ZNF43: variants seen among roughly 807,000 people sequenced by gnomAD.
ZNF43 encodes the protein zinc finger protein 43, also known as zinc finger protein 39-like 1 (KOX 27).
Under a neutral mutation model 68.4 loss-of-function variants are expected in ZNF43, and 44 were observed. The ratio of observed to expected loss-of-function variants is 0.64; its 90% CI spans 0.51 to 0.83. The LOEUF is 0.83. Ranked by LOEUF, ZNF43 falls within the 40% of genes least tolerant of loss-of-function variation. The pLI is 0.00. For synonymous variants in ZNF43, 308 were observed against 307.8 expected, an observed-to-expected ratio of 1.00 and a Z score of -0.01; for missense variants, 896 against 933.2, an observed-to-expected ratio of 0.96 and a Z score of 0.52.
chr19:21,841,314 G>A (rs1967518310), intron 1 of ZNF43: 1 of 152,226 alleles, frequency 6.6e-6, no homozygotes, highest in African/African-American at 2.4e-5. Flanking sequence ...TGCATGCTGA[G>A]TCGGAAATAT....
chr19:21,834,858 ATAAT>A (rs1380717324), intron 1 of ZNF43, among the ~76,000 whole-genome samples: 3 of 152,016 alleles, frequency 2.0e-5, no homozygotes, highest in Non-Finnish European at 4.4e-5. Context: ...TTTTCAAAAA[ATAAT>A]TAAAATATCT....
At position 21,845,862 on chromosome 19, in the gene ZNF43, C is replaced by T. The variant is rs990584417; in HGVS notation, c.30+6043G>A. The stretch of plus-strand genomic sequence containing the variant: ...GAGCCGAGATTATGCCATTGCACTC[C>T]AGCCTGGGCAACAAGAGCGAAACTC... On this transcript the variant is annotated intron_variant, in intron 1 of 3. Transcript: ENST00000357491. Among the ~76,000 whole-genome samples, 11 of 149,672 alleles carry T rather than the reference C, an allele frequency of 7.3e-5. No individual in the cohort carries two copies. The East Asian group carries it at 2.0e-3, about 27-fold the overall frequency.
At position 21,819,184 on chromosome 19, in the gene ZNF43, C is replaced by A; in HGVS notation, c.41G>T (p.Cys14Phe). The change falls in exon 2 of 4, where the codon TGT becomes TTT. Residue 14 changes from cysteine to phenylalanine, a missense_variant. Coordinates refer to ENST00000354959, the MANE Select transcript of ZNF43 (RefSeq NM_003423.4). The stretch of plus-strand genomic sequence containing the variant: ...GTCCAGGCATTGCCACTCCTCCAGA[C>A]AGAATTCTATGGCCACATCCATAAA... ...LTFMDVAIEFCLEEWQCLDIA... is the reference protein window; with the variant it reads ...LTFMDVAIEFFLEEWQCLDIA... 1 of 1,606,974 alleles carries A rather than the reference C, an allele frequency of 6.2e-7. No individual in the cohort carries two copies. The highest frequency in any genetic ancestry group is 8.5e-7 in the Non-Finnish European group (1 of 1,177,832).
chr19:21,819,730 T>G (rs1193055835), intron 1 of ZNF43, among the ~76,000 whole-genome samples: 1 of 152,232 alleles, frequency 6.6e-6, no homozygotes, highest in African/African-American at 2.4e-5. Context: ...AAAGACTATT[T>G]TGTCAAACAT....
rs1229309013 is a variant in ZNF43 at position 21,805,602 on chromosome 19, G to C, written c.*2005C>G. The C allele has an allele frequency of 6.6e-6, 1 of 151,164 alleles. No individual in the cohort carries two copies. The highest frequency in any genetic ancestry group is 1.5e-5 in the Non-Finnish European group (1 of 67,902). The allele number at this position is 151,164 out of a possible 1,614,324, so 9.4% of individuals were successfully genotyped here. A position where few individuals can be genotyped will look rare whatever the true frequency, so the allele number is the denominator to read the frequency against. The stretch of plus-strand genomic sequence containing the variant: ...CCACTGCACTCCAGCCTGGGCGAGA[G>C]CAAGACTCTGTCTCAAAAAAAAAAA... On this transcript the variant is annotated 3_prime_UTR_variant, in exon 4 of 4. Coordinates refer to ENST00000354959, the MANE Select transcript of ZNF43 (RefSeq NM_003423.4).
chr19:21,835,714 TC>T (rs1191525288), intron 1 of ZNF43, among the ~76,000 whole-genome samples: 2 of 152,068 alleles, frequency 1.3e-5, no homozygotes, highest in Non-Finnish European at 2.9e-5. Context: ...CCAAAGCTCT[TC>T]CTATTCATGA....
chr19:21,811,402 A>G (rs2037262968), intron 3 of ZNF43, among the ~76,000 whole-genome samples: 1 of 151,828 alleles, frequency 6.6e-6, no homozygotes, highest in Non-Finnish European at 1.5e-5. Flanking sequence ...GGGCATGGCT[A>G]TATGTGCCTG....
intron 3 of ZNF43, chr19:21,811,866 T>C: frequency 2.7e-6 from 1 of 376,234 alleles, no homozygotes; most frequent in Non-Finnish European, 4.7e-6. Flanking sequence ...ATAAAACACA[T>C]AGAAAAAAGG....
chr19:21,828,927 G>A (rs1184527790), intron 1 of ZNF43, among the ~76,000 whole-genome samples: 1 of 149,470 alleles, frequency 6.7e-6, no homozygotes, highest in Non-Finnish European at 1.5e-5. Context: ...CAGCTACTTG[G>A]GAGGCTGAGC....
chr19:21,833,090 T>C (rs1381584531), intron 1 of ZNF43, among the ~76,000 whole-genome samples: 1 of 152,168 alleles, frequency 6.6e-6, no homozygotes, highest in African/African-American at 2.4e-5. Flanking sequence ...TATAAAAATG[T>C]ATTAATTTTG....
intron 1 of ZNF43, among the ~76,000 whole-genome samples, chr19:21,820,014 C>T (rs1258515559): frequency 6.6e-6 from 1 of 150,632 alleles, no homozygotes; most frequent in Non-Finnish European, 1.5e-5. Context: ...GCCTGGCCAA[C>T]GTGGAGAAAA....
At chr19:21,842,206 C>T (rs1044175223) in intron 1 of ZNF43, among the ~76,000 whole-genome samples, 8 of 151,764 alleles carry the variant, frequency 5.3e-5, no homozygotes, top group African/African-American at 1.7e-4. Context: ...GTCAAGAGAA[C>T]GAGAGCATCC....
At position 21,834,893 on chromosome 19, in the gene ZNF43, T is replaced by C. The variant is rs117959168; in HGVS notation, c.3+1143A>G. ...TATCTGTATCAAAAATATACAGATA[T>C]CTAAAATATCTTTATCTAAAACGTA... On this transcript the variant is annotated intron_variant, in intron 1 of 3. Transcript: ENST00000354959. 9.0e-3 allele frequency among the ~76,000 whole-genome samples: 1,352 copies of C among 150,186 alleles called. 5 individuals are homozygous for C. The highest frequency in any genetic ancestry group is 0.014 in the Non-Finnish European group (915 of 67,776).
intron 1 of ZNF43, 54 bp downstream of exon 1, chr19:21,835,982 T>TG: frequency 6.2e-7 from 1 of 1,612,396 alleles, no homozygotes. Context: ...CGGGAAGGCC[T>TG]GAGTCACGCC....
At chr19:21,829,032 CAAAAAAAAAA>C (rs551226809) in intron 1 of ZNF43, among the ~76,000 whole-genome samples, 29 of 38,814 alleles carry the variant, frequency 7.5e-4, no homozygotes, top group African/African-American at 1.5e-3. Flanking sequence ...GACTCTGTCT[CAAAAAAAAAA>C]AAAAAAAAAA....
chr19:21,819,499 A>T (rs2145220881), intron 1 of ZNF43, among the ~76,000 whole-genome samples: 1 of 152,368 alleles, frequency 6.6e-6, no homozygotes. Context: ...GCATGAACAC[A>T]AAAGTAAATT....
At chr19:21,842,976 A>T (rs1436791032) in intron 1 of ZNF43, among the ~76,000 whole-genome samples, 3 of 151,232 alleles carry the variant, frequency 2.0e-5, no homozygotes, top group Non-Finnish European at 4.4e-5. Flanking sequence ...CCTAGGGAAA[A>T]GCCCATGTAA....
In ZNF43 at chr19:21,809,208, T is replaced by C. The variant is rs1350063810; in HGVS notation, c.829A>G (p.Lys277Glu). Residue 277 changes from lysine to glutamate, a missense_variant, in exon 4 of 4, where the codon AAG becomes GAG. Physicochemically the swap from Lys to Glu is moderately conservative, Grantham distance 56. Coordinates refer to ENST00000354959, the MANE Select transcript of ZNF43 (RefSeq NM_003423.4). The stretch of plus-strand genomic sequence containing the variant: ...AATTTCTCTCCAGTGCGAATTATCT[T>C]ATGGGTAGTAAGGATTGAGGACTTG... ...FNKSSILTTH[K>E]IIRTGEKFYK... 1.2e-6 allele frequency: 2 copies of C among 1,613,468 alleles called. No homozygotes were observed. The highest frequency in any genetic ancestry group is 1.3e-5 in the African/African-American group (1 of 74,874).
intron 1 of ZNF43, among the ~76,000 whole-genome samples, chr19:21,826,051 A>C (rs545056840): frequency 6.6e-6 from 1 of 152,308 alleles, no homozygotes; most frequent in South Asian, 2.1e-4. Context: ...TCCATCTCAA[A>C]AAAATAAAAA....
Sources: gnomAD v4.1 joint callset for allele counts (sites outside exome capture counted in the v4.1 genomes callset) on GRCh38, gnomAD v4.1.1 for gene constraint, MANE v1.5 for transcripts, NCBI Gene and HGNC (gene_info 2026-07-23, HGNC 2026-07-21) for gene names.